The following SECTM1 variants were observed in gnomAD, a reference collection of about 807,000 sequenced individuals.
SECTM1 encodes the protein secreted and transmembrane protein 1.
SECTM1 carries 10 observed loss-of-function variants against 18.1 expected under a neutral mutation model. The ratio of observed to expected loss-of-function variants is 0.55; its 90% CI spans 0.34 to 0.94. The LOEUF (loss-of-function observed/expected upper bound fraction) is 0.94. Ranked by LOEUF, SECTM1 falls within the 40% of genes least tolerant of loss-of-function variation. The probability of loss-of-function intolerance (pLI) is 0.02; values close to 1 mark genes in which losing one functional copy is unlikely to be tolerated. For synonymous variants in SECTM1, 137 were observed against 139.2 expected, an observed-to-expected ratio of 0.98 and a Z score of 0.11; for missense variants, 297 against 322.6, an observed-to-expected ratio of 0.92 and a Z score of 0.61.
In SECTM1 at chr17:82,325,799, A is replaced by C. The variant is rs918744790; in HGVS notation, c.95-909T>G. On this transcript the variant is annotated intron_variant, in intron 2 of 4. Coordinates refer to ENST00000269389, the MANE Select transcript of SECTM1 (RefSeq NM_003004.3). The surrounding 1 kb of genome is among the most constrained non-coding windows in gnomAD (Gnocchi z 7.6). Reference sequence around the variant, plus strand: ...TGCGTCAGCGTCCACCAGTGACTGGACACGGACGGATGGACGGACAGACGG... The same window carrying C: ...TGCGTCAGCGTCCACCAGTGACTGGCCACGGACGGATGGACGGACAGACGG... Among the ~76,000 whole-genome samples the C allele has an allele frequency of 6.6e-6, 1 of 152,148 alleles. No individual in the cohort carries two copies. Among genetic ancestry groups the C allele is most frequent in the African/African-American group, 2.4e-5 (1 of 41,418 alleles).
rs1049483085 is a variant in SECTM1, at chr17:82,326,180, C to T, written c.94+967G>A. 2.0e-5 allele frequency among the ~76,000 whole-genome samples: 3 copies of T among 152,236 alleles called. No individual in the cohort carries two copies. The highest frequency in any genetic ancestry group is 6.5e-5 in the Admixed American group (1 of 15,290). On this transcript the variant is annotated intron_variant, in intron 2 of 4. Transcript: ENST00000269389. This position sits in a 1 kb window ranked among gnomAD's most constrained non-coding sequence, Gnocchi z 4.3. Reference sequence around the variant, plus strand: ...GTTGGGGGGTGGGGGCAGAATCTCCCGAAACCAGGGTTCTTCCACCTGGGA... The same window carrying T: ...GTTGGGGGGTGGGGGCAGAATCTCCTGAAACCAGGGTTCTTCCACCTGGGA...
intron 1 of SECTM1, among the ~76,000 whole-genome samples, chr17:82,333,085 G>C (rs1269037450): frequency 6.6e-6 from 1 of 152,246 alleles, no homozygotes; most frequent in African/African-American, 2.4e-5. Context: ...CACGGTTCCT[G>C]TTTCATGAGT....
rs547997107 is a variant in SECTM1, at chr17:82,325,871, C to T, written c.95-981G>A. On this transcript the variant is annotated intron_variant, in intron 2 of 4. Coordinates refer to ENST00000269389, the MANE Select transcript of SECTM1 (RefSeq NM_003004.3). The surrounding 1 kb of genome is among the most constrained non-coding windows in gnomAD (Gnocchi z 7.6). ...GAGCACACAGCATGCTGGTTGGAGCCGCCATTTGGCCACATTTCACCAAAT... is the reference window on the plus strand; with the variant it reads ...GAGCACACAGCATGCTGGTTGGAGCTGCCATTTGGCCACATTTCACCAAAT... Among the ~76,000 whole-genome samples the T allele has an allele frequency of 8.5e-5, 13 of 152,226 alleles. No individual in the cohort carries two copies. The highest frequency in any genetic ancestry group is 1.9e-4 in the East Asian group (1 of 5,198).
intron 1 of SECTM1, among the ~76,000 whole-genome samples, chr17:82,331,881 T>C (rs929925807): frequency 2.6e-5 from 4 of 152,180 alleles, no homozygotes; most frequent in East Asian, 1.9e-4. Flanking sequence ...GGCGCATGCC[T>C]GCAATCCCAG....
Position 82,325,022 on chromosome 17 carries a change from A to G in SECTM1, c.95-132T>C. 1 of 754,636 alleles carries G rather than the reference A, an allele frequency of 1.3e-6. No individual in the cohort carries two copies. The highest frequency in any genetic ancestry group is 1.9e-5 in the South Asian group (1 of 53,356). 46.7% of individuals were successfully genotyped at this position (754,636 alleles called of 1,614,324 possible). ...GACACAGTGAACTATGTATACATCC[A>G]CCCGACCCAATCAGCACATATATCT... On this transcript the variant is annotated intron_variant, in intron 2 of 4. Coordinates refer to ENST00000269389, the MANE Select transcript of SECTM1 (RefSeq NM_003004.3). The surrounding 1 kb of genome is among the most constrained non-coding windows in gnomAD (Gnocchi z 7.6).
intron 1 of SECTM1, among the ~76,000 whole-genome samples, 196 bp downstream of exon 1, chr17:82,333,504 C>G (rs902503289): frequency 6.6e-6 from 1 of 152,120 alleles, no homozygotes; most frequent in African/African-American, 2.4e-5. Context: ...GCAGAGGCGC[C>G]GCAGCCCCAG....
intron 1 of SECTM1, among the ~76,000 whole-genome samples, chr17:82,327,686 G>A (rs1341780520): frequency 1.3e-5 from 2 of 152,142 alleles, no homozygotes; most frequent in Non-Finnish European, 2.9e-5. Flanking sequence ...CCAGCCTCCA[G>A]CCCCAGCCCC....
chr17:82,327,451 T>C (rs762551583), intron 1 of SECTM1, among the ~76,000 whole-genome samples, 159 bp from the exon 2 acceptor site: 8 of 152,182 alleles, frequency 5.3e-5, no homozygotes, highest in Non-Finnish European at 1.2e-4. Flanking sequence ...CCCTTCCCTG[T>C]GCCTGTAGAG....
rs567320262 is a variant in SECTM1, at chr17:82,326,335, C to G, written c.94+812G>C. Among the ~76,000 whole-genome samples, 2 of 152,266 alleles carry G rather than the reference C, an allele frequency of 1.3e-5. No homozygotes were observed. The highest frequency in any genetic ancestry group is 3.9e-4 in the East Asian group (2 of 5,176). The stretch of plus-strand genomic sequence containing the variant: ...AAGCCCCTCGGGTGGCTCAGTGGCT[C>G]ACGCCTGTAATCCCAGCACTTTGGG... On this transcript the variant is annotated intron_variant, in intron 2 of 4. Coordinates refer to ENST00000269389, the MANE Select transcript of SECTM1 (RefSeq NM_003004.3). This position sits in a 1 kb window ranked among gnomAD's most constrained non-coding sequence, Gnocchi z 4.3.
At chr17:82,324,469 T>C in intron 3 of SECTM1, 113 bp downstream of exon 3, 1 of 1,141,050 alleles carries the variant, frequency 8.8e-7, no homozygotes, top group Non-Finnish European at 1.2e-6. Context: ...TCATGCCTGC[T>C]CTTCTTCCTC....
chr17:82,326,096 C>T lies in SECTM1; in HGVS notation c.94+1051G>A, dbSNP rs984431099. Among the ~76,000 whole-genome samples the T allele has an allele frequency of 6.6e-6, 1 of 152,202 alleles. No individual in the cohort carries two copies. Among genetic ancestry groups the T allele is most frequent in the Non-Finnish European group, 1.5e-5 (1 of 68,038 alleles). ...GCCACTGCACAAATTCACACCGTCC[C>T]GAGGGCAGCGGGCGGCTGTCCAGGG... On this transcript the variant is annotated intron_variant, in intron 2 of 4. Coordinates refer to ENST00000269389, the MANE Select transcript of SECTM1 (RefSeq NM_003004.3). The surrounding 1 kb of genome is among the most constrained non-coding windows in gnomAD (Gnocchi z 4.3).
Position 82,321,790 on chromosome 17 carries a change from T to A in SECTM1, c.*371A>T, listed in dbSNP as rs964015328. The stretch of plus-strand genomic sequence containing the variant: ...GTCTGAGGCTCCGGCAGGGGCCCCC[T>A]CACTTGGGCGCGGAGCCCTGGGAGT... On this transcript the variant is annotated 3_prime_UTR_variant, in exon 5 of 5. Transcript: ENST00000269389. 4.3e-6 allele frequency: 1 copy of A among 232,904 alleles called. No individual in the cohort carries two copies. Among genetic ancestry groups the A allele is most frequent in the African/African-American group, 2.3e-5 (1 of 42,968 alleles). The allele number at this position is 232,904 out of a possible 1,614,324, so 14.4% of individuals were successfully genotyped here. A position where few individuals can be genotyped will look rare whatever the true frequency, so the allele number is the denominator to read the frequency against.
rs375301373 is a variant in SECTM1 at position 82,327,137 on chromosome 17, C to G, written c.94+10G>C. 6.3e-7 allele frequency: 1 copy of G among 1,594,918 alleles called. No homozygotes were observed. The highest frequency in any genetic ancestry group is 8.6e-7 in the Non-Finnish European group (1 of 1,169,288). On this transcript the variant is annotated intron_variant, in intron 2 of 4. Transcript: ENST00000269389. ...TTTCCCCAGCAGAGAGGCGGGGCCC[C>G]GAGACCTACCTTCATTCTGAGCACT...
Position 82,322,226 on chromosome 17 carries a change from A to G in SECTM1, c.682T>C (p.Ser228Pro), listed in dbSNP as rs147072509. The stretch of plus-strand genomic sequence containing the variant: ...AGCAGCTCCAGGGCTCCAAGTGGTG[A>G]GGGTTTGAACACCAGTGCCAGCGGC... ...PRPLALVFKP[S>P]PLGALELLSP... is the part of the protein sequence containing the mutation. The change falls in exon 5 of 5, where the codon TCA (serine) becomes CCA (proline). Residue 228 changes from serine (S) to proline (P), a missense_variant. By Grantham distance (74) the Ser-to-Pro change is moderately conservative. Transcript: ENST00000269389. 128 of 1,612,678 alleles carry G rather than the reference A, an allele frequency of 7.9e-5. No individual in the cohort carries two copies. The highest frequency in any genetic ancestry group is 9.8e-5 in the Non-Finnish European group (116 of 1,179,214).
chr17:82,322,403 C>T (rs761713245), intron 4 of SECTM1, 33 bp from the exon 5 acceptor site: 1 of 1,599,162 alleles, frequency 6.3e-7, no homozygotes, highest in South Asian at 1.1e-5. Context: ...CCTGTGTGAG[C>T]CGCGCGCCCC....
chr17:82,332,941 G>A (rs977256777), intron 1 of SECTM1, among the ~76,000 whole-genome samples: 1 of 152,230 alleles, frequency 6.6e-6, no homozygotes, highest in East Asian at 1.9e-4. Context: ...GCTGACCACC[G>A]GCAGAAAACG....
At chr17:82,322,429 G>GC in intron 4 of SECTM1, 59 bp from the exon 5 acceptor site, 1 of 1,506,936 alleles carries the variant, frequency 6.6e-7, no homozygotes, top group Non-Finnish European at 9.2e-7. Context: ...CCACAGCTCT[G>GC]CCCTGGGGCG....
In SECTM1 at chr17:82,321,985, A is replaced by G; in HGVS notation, c.*176T>C. 1 of 593,868 alleles carries G rather than the reference A, an allele frequency of 1.7e-6. No homozygotes were observed. Among genetic ancestry groups the G allele is most frequent in the Non-Finnish European group, 3.0e-6 (1 of 337,282 alleles). 36.8% of individuals were successfully genotyped at this position (593,868 alleles called of 1,614,324 possible). A position where few individuals can be genotyped will look rare whatever the true frequency, so the allele number is the denominator to read the frequency against. ...AAACTGAGGAAGCAGAGCTTGGAAG[A>G]CCTGGGGGGTGGAGGGGAAGGGTCT... On this transcript the variant is annotated 3_prime_UTR_variant, in exon 5 of 5. Coordinates refer to ENST00000269389, the MANE Select transcript of SECTM1 (RefSeq NM_003004.3).
chr17:82,322,040 G>T lies in SECTM1; in HGVS notation c.*121C>A. 1.1e-6 allele frequency: 1 copy of T among 906,218 alleles called. No individual in the cohort carries two copies. Among genetic ancestry groups the T allele is most frequent in the Non-Finnish European group, 1.7e-6 (1 of 577,756 alleles). 56.1% of individuals were successfully genotyped at this position (906,218 alleles called of 1,614,324 possible). ...GCACCCAGGAGTGGGTGACACAGAG[G>T]CCCAGCCTGCCAAGCAAGCCGGTGT... On this transcript the variant is annotated 3_prime_UTR_variant, in exon 5 of 5. Coordinates refer to ENST00000269389, the MANE Select transcript of SECTM1 (RefSeq NM_003004.3).
Sources: allele counts gnomAD v4.1 joint callset (sites outside exome capture counted in the v4.1 genomes callset), GRCh38; gene constraint gnomAD v4.1.1; non-coding constraint Gnocchi (gnomAD v3.1); transcripts MANE v1.5; gene names NCBI Gene and HGNC (gene_info 2026-07-23, HGNC 2026-07-21).